The following SLC1A6 variants were observed in gnomAD, a reference collection of about 807,000 sequenced individuals.
SLC1A6 encodes solute carrier family 1 member 6.
In SLC1A6, 15 loss-of-function variants were observed where a neutral mutation model predicts 42.1. The ratio of observed to expected loss-of-function variants is 0.36; its 90% CI spans 0.24 to 0.55. SLC1A6 has a LOEUF of 0.55. Ranked by LOEUF, SLC1A6 falls within the 20% of genes least tolerant of loss-of-function variation. SLC1A6 has a pLI of 0.88. For synonymous variants in SLC1A6, 317 were observed against 319.7 expected, an observed-to-expected ratio of 0.99 and a Z score of 0.09; for missense variants, 542 against 772.5, an observed-to-expected ratio of 0.70 and a Z score of 3.54.
At chr19:14,961,584 T>G (rs919470970) in intron 6 of SLC1A6, 1 of 172,854 alleles carries the variant, frequency 5.8e-6, no homozygotes, top group Non-Finnish European at 1.2e-5. Flanking sequence ...AACCAATGCA[T>G]AGATGAATGA....
intron 4 of SLC1A6, among the ~76,000 whole-genome samples, chr19:14,965,347 A>T (rs1473047956): frequency 6.6e-6 from 1 of 152,146 alleles, no homozygotes; most frequent in Non-Finnish European, 1.5e-5. Flanking sequence ...CTAAAAGTAG[A>T]TCTACCATTC....
At chr19:14,989,219 A>G (rs548068536) in intron 1 of SLC1A6, among the ~76,000 whole-genome samples, 6 of 152,268 alleles carry the variant, frequency 3.9e-5, no homozygotes, top group African/African-American at 1.4e-4. Context: ...AGAGTATTCA[A>G]TATATCCATG....
At chr19:14,954,049 C>A (rs2045437847) in intron 8 of SLC1A6, 86 bp downstream of exon 8, 1 of 1,004,484 alleles carries the variant, frequency 1.0e-6, no homozygotes. Context: ...CCAGCTGAGG[C>A]CCCCTCCTCC....
chr19:14,960,232 GAA>G (rs1400515693), intron 6 of SLC1A6, among the ~76,000 whole-genome samples: 1 of 152,184 alleles, frequency 6.6e-6, no homozygotes, highest in Non-Finnish European at 1.5e-5. Flanking sequence ...ATGAGTGAAT[GAA>G]GAGAATACTT....
chr19:14,997,599 C>T (rs1478765840), intron 1 of SLC1A6, among the ~76,000 whole-genome samples: 1 of 152,128 alleles, frequency 6.6e-6, no homozygotes, highest in East Asian at 1.9e-4. Context: ...TTCTCCCTTG[C>T]TCTGCTATTT....
rs868237669 is a variant in SLC1A6 at position 14,954,215 on chromosome 19, G to A, written c.1284C>T (p.Ala428=). The stretch of plus-strand genomic sequence containing the variant: ...AGATGGCAGCCAGGGCCTCGTAGAG[G>A]GCAGTGCCATCCATGTTGACCGTGG... The part of the protein sequence containing the change: ...VGATVNMDGT[A]LYEALAAIFI... The change falls in exon 8 of 10, where the codon GCC becomes GCT. Residue 428 remains alanine, a synonymous_variant. Transcript: ENST00000594383. 1 of 1,614,186 alleles carries A rather than the reference G, an allele frequency of 6.2e-7. No individual in the cohort carries two copies. Among genetic ancestry groups the A allele is most frequent in the Middle Eastern group, 1.6e-4 (1 of 6,062 alleles).
chr19:14,953,904 C>A (rs1197183519), intron 8 of SLC1A6, among the ~76,000 whole-genome samples: 2 of 152,234 alleles, frequency 1.3e-5, no homozygotes, highest in African/African-American at 4.8e-5. Context: ...GGATCTCCCA[C>A]GTGAGAGGGA....
chr19:14,952,364 T>C (rs1568282950), intron 9 of SLC1A6, among the ~76,000 whole-genome samples: 1 of 151,174 alleles, frequency 6.6e-6, no homozygotes, highest in African/African-American at 2.4e-5. Context: ...CTGGCTAACA[T>C]GGTGAAACCC....
At position 14,950,200 on chromosome 19, in the gene SLC1A6, T is replaced by C; in HGVS notation, c.1690A>G (p.Met564Val). The C allele has an allele frequency of 6.4e-7, 1 of 1,561,414 alleles. No individual in the cohort carries two copies. Reference sequence around the variant, plus strand: ...GGGGCAGAGCTGGAGGCCCCTCACATAGCACTCTCGTTGCCTCCCCGTCCC... The same window carrying C: ...GGGGCAGAGCTGGAGGCCCCTCACACAGCACTCTCGTTGCCTCCCCGTCCC... ...SRGRGGNESA[M>V] Residue 564 changes from methionine (M) to valine (V), a missense_variant, in exon 10 of 10, where the codon ATG becomes GTG. Met to Val is a conservative substitution (Grantham distance 21). Transcript: ENST00000594383.
chr19:14,971,614 A>T, intron 3 of SLC1A6, 123 bp downstream of exon 3: 1 of 968,208 alleles, frequency 1.0e-6, no homozygotes, highest in Non-Finnish European at 1.5e-6. Flanking sequence ...GACCAGACAC[A>T]GGCTCCATGT....
intron 9 of SLC1A6, among the ~76,000 whole-genome samples, chr19:14,950,971 C>T (rs145334835): frequency 0.03 from 4,539 of 148,826 alleles, 114 homozygotes; most frequent in Non-Finnish European, 0.037. Context: ...TGAGGCAGGG[C>T]GTGGTGGCTC....
chr19:14,972,786 TGCAGGCGCAGGC>T lies in SLC1A6; in HGVS notation c.113_124del (p.Arg38_Leu41del). ...CAGCACGTGCTCGAGGGTCATGGTCTGCAGGCGCAGGCGCGTGCGCAGTGCTCTCTGCTGCAG... is the reference window on the plus strand; with the variant it reads ...CAGCACGTGCTCGAGGGTCATGGTCTGCGTGCGCAGTGCTCTCTGCTGCAG... On this transcript the variant is annotated inframe_deletion, in exon 2 of 10. Transcript: ENST00000594383. 1.9e-6 allele frequency: 3 copies of T among 1,613,798 alleles called. No homozygotes were observed. The highest frequency in any genetic ancestry group is 2.5e-6 in the Non-Finnish European group (3 of 1,179,964).
chr19:14,965,002 T>A (rs2045557403), intron 4 of SLC1A6, among the ~76,000 whole-genome samples: 1 of 151,288 alleles, frequency 6.6e-6, no homozygotes, highest in Admixed American at 6.6e-5. Context: ...ACAACCTCTA[T>A]GGAAAACAGT....
Position 14,992,506 on chromosome 19 carries a change from C to T in SLC1A6, c.6+17979G>A, listed in dbSNP as rs900536767. ...CTGTAATCCCAGCACTTTGGGAGGC[C>T]GAGGCAGGCAGACAGGTGGTGCGCA... On this transcript the variant is annotated intron_variant, in intron 1 of 8. Transcript: ENST00000430939. Among the ~76,000 whole-genome samples the T allele has an allele frequency of 5.9e-5, 9 of 151,994 alleles. 1 individual carries two copies. Among genetic ancestry groups the T allele is most frequent in the South Asian group, 4.2e-4 (2 of 4,794 alleles).
At chr19:14,981,021 A>G (rs1260259626), upstream of SLC1A6, among the ~76,000 whole-genome samples, 1 of 151,990 alleles carries the variant, frequency 6.6e-6, no homozygotes, top group African/African-American at 2.4e-5. Context: ...AGCCTGACAT[A>G]GTGGCCCATG....
At position 14,951,269 on chromosome 19, in the gene SLC1A6, A is replaced by AG. The variant is rs1555704134; in HGVS notation, c.1500-880_1500-879insC. On this transcript the variant is annotated intron_variant, in intron 9 of 9. Coordinates refer to ENST00000594383, the MANE Select transcript of SLC1A6 (RefSeq NM_005071.3). ...TCTGTCTCACAAAAAAAAAAAAAAA[A>AG]AAAAAAAAAGAAAGAAAAGAAAAAA... is the stretch of plus-strand genomic sequence containing the variant. 3.3e-4 allele frequency among the ~76,000 whole-genome samples: 11 copies of AG among 33,748 alleles called. 2 individuals are homozygous for AG. Among genetic ancestry groups the AG allele is most frequent in the African/African-American group, 8.6e-4 (7 of 8,096 alleles). The allele number at this position is 33,748 out of a possible 152,430, so 22.1% of individuals were successfully genotyped here. A position where few individuals can be genotyped will look rare whatever the true frequency, so the allele number is the denominator to read the frequency against.
At chr19:15,003,652 T>C (rs1194287952) in intron 1 of SLC1A6, among the ~76,000 whole-genome samples, 2 of 119,310 alleles carry the variant, frequency 1.7e-5, no homozygotes, top group Non-Finnish European at 3.4e-5. Flanking sequence ...GGCATCTCCA[T>C]GTAATGCCAA....
chr19:14,981,975 T>C (rs989146043), upstream of SLC1A6, among the ~76,000 whole-genome samples: 2 of 151,932 alleles, frequency 1.3e-5, no homozygotes, highest in African/African-American at 2.4e-5. Context: ...CTGGGACCGC[T>C]TGAGTCCAAG....
intron 1 of SLC1A6, among the ~76,000 whole-genome samples, chr19:15,002,585 C>T (rs1053132525): frequency 2.8e-4 from 43 of 152,208 alleles, no homozygotes; most frequent in African/African-American, 8.7e-4. Flanking sequence ...CCAGCCCACA[C>T]TCAAGGGATT....
Sources: allele counts gnomAD v4.1 joint callset (sites outside exome capture counted in the v4.1 genomes callset), GRCh38; gene constraint gnomAD v4.1.1; transcripts MANE v1.5; gene names NCBI Gene and HGNC (gene_info 2026-07-23, HGNC 2026-07-21).